ZC2HC1B: variants seen among roughly 807,000 people sequenced by gnomAD.
ZC2HC1B encodes zinc finger C2HC domain-containing protein 1B.
Under a neutral mutation model 31.0 loss-of-function variants are expected in ZC2HC1B, and 36 were observed. The observed-to-expected ratio is 1.16, with a 90% confidence interval of 0.89 to 1.54. The LOEUF is 1.54. Ranked by LOEUF, ZC2HC1B falls within the 40% of genes most tolerant of loss-of-function variation. ZC2HC1B has a pLI of 0.00. For missense variants in ZC2HC1B, 260 were observed against 268.6 expected, an observed-to-expected ratio of 0.97 and a Z score of 0.22; for synonymous variants, 73 against 88.0, an observed-to-expected ratio of 0.83 and a Z score of 0.95.
chr6:143,884,178 A>T lies in ZC2HC1B; in HGVS notation c.29-126A>T. On this transcript the variant is annotated intron_variant, in intron 1 of 7. Transcript: ENST00000237275. The surrounding 1 kb of genome is among the most constrained non-coding windows in gnomAD (Gnocchi z 5.1). ...ACACAGGGTCTTCCCAAAGGGAAGA[A>T]GCAGTTGGTGGGGAGGGAAAAGAGA... 1.3e-6 allele frequency: 1 copy of T among 769,298 alleles called. No homozygotes were observed. The highest frequency in any genetic ancestry group is 2.0e-6 in the Non-Finnish European group (1 of 501,902). 47.7% of individuals were successfully genotyped at this position (769,298 alleles called of 1,614,324 possible). A position where few individuals can be genotyped will look rare whatever the true frequency, so the allele number is the denominator to read the frequency against.
At chr6:143,876,925 C>G (rs1052121453) in intron 1 of ZC2HC1B, among the ~76,000 whole-genome samples, 1 of 150,354 alleles carries the variant, frequency 6.7e-6, no homozygotes, top group Non-Finnish European at 1.5e-5. Context: ...CTTTCCCAGC[C>G]CACTGACTCA....
At chr6:143,910,801 T>G (rs1298437474) in intron 6 of ZC2HC1B, among the ~76,000 whole-genome samples, 2 of 152,190 alleles carry the variant, frequency 1.3e-5, no homozygotes, top group Non-Finnish European at 2.9e-5. Flanking sequence ...TCTCCCAGGC[T>G]GGAGTGCAGT....
At chr6:143,894,094 T>A (rs1326340848) in intron 4 of ZC2HC1B, among the ~76,000 whole-genome samples, 1 of 152,254 alleles carries the variant, frequency 6.6e-6, no homozygotes, top group African/African-American at 2.4e-5. Flanking sequence ...AAGATTTACA[T>A]GATTGTTCAT....
At position 143,885,000 on chromosome 6, in the gene ZC2HC1B, T is replaced by C. The variant is rs1777514804; in HGVS notation, c.90+635T>C. Among the ~76,000 whole-genome samples the C allele has an allele frequency of 6.6e-6, 1 of 152,150 alleles. No homozygotes were observed. Among genetic ancestry groups the C allele is most frequent in the South Asian group, 2.1e-4 (1 of 4,828 alleles). ...TTTCAAAATTAGGGAATCAAATAGA[T>C]GGTATGCCCCAATATTATAAAGGGG... On this transcript the variant is annotated intron_variant, in intron 2 of 7. Coordinates refer to ENST00000237275, the MANE Select transcript of ZC2HC1B (RefSeq NM_001013623.3). This position sits in a 1 kb window ranked among gnomAD's most constrained non-coding sequence, Gnocchi z 5.1.
At chr6:143,926,791 C>G (rs1362463354) in intron 6 of ZC2HC1B, among the ~76,000 whole-genome samples, 3 of 127,262 alleles carry the variant, frequency 2.4e-5, no homozygotes, top group Non-Finnish European at 4.9e-5. Flanking sequence ...ACTGGATGTT[C>G]TGGTGTTAAG....
chr6:143,930,157 G>C (rs1417824893), intron 6 of ZC2HC1B, among the ~76,000 whole-genome samples: 3 of 151,186 alleles, frequency 2.0e-5, no homozygotes, highest in Non-Finnish European at 4.4e-5. Context: ...TGTTTCTTTT[G>C]TTTCTTGATG....
chr6:143,872,045 C>T lies in ZC2HC1B; in HGVS notation c.28+7478C>T, dbSNP rs371421822. ...CTCAGAGCCAGTGTCCAGTAGTTTC[C>T]GAAATGTCTGATCATTTCCTTTTTC... On this transcript the variant is annotated intron_variant, in intron 1 of 7. Transcript: ENST00000237275. The surrounding 1 kb of genome is among the most constrained non-coding windows in gnomAD (Gnocchi z 5.5). Among the ~76,000 whole-genome samples the T allele has an allele frequency of 1.1e-4, 16 of 152,252 alleles. No individual in the cohort carries two copies. The highest frequency in any genetic ancestry group is 2.4e-4 in the African/African-American group (10 of 41,536).
chr6:143,878,861 C>G lies in ZC2HC1B; in HGVS notation c.29-5443C>G, dbSNP rs558299568. Among the ~76,000 whole-genome samples the G allele has an allele frequency of 1.7e-3, 256 of 152,238 alleles. 1 individual carries two copies. Among genetic ancestry groups the G allele is most frequent in the African/African-American group, 6.0e-3 (250 of 41,540 alleles). ...AATTGACTGTATGTCTGTATCTATA[C>G]CTACCTATCTGTGTTTGCTGTATAC... On this transcript the variant is annotated intron_variant, in intron 1 of 7. Coordinates refer to ENST00000237275, the MANE Select transcript of ZC2HC1B (RefSeq NM_001013623.3).
chr6:143,870,937 G>T lies in ZC2HC1B; in HGVS notation c.28+6370G>T, dbSNP rs756248212. Among the ~76,000 whole-genome samples, 2 of 152,034 alleles carry T rather than the reference G, an allele frequency of 1.3e-5. No homozygotes were observed. Among genetic ancestry groups the T allele is most frequent in the African/African-American group, 2.4e-5 (1 of 41,382 alleles). ...CTGTTCTGGACCCCACTCAAAACTG[G>T]CAGCTTCAGGTCACTTGATAAATGG... On this transcript the variant is annotated intron_variant, in intron 1 of 7. Coordinates refer to ENST00000237275, the MANE Select transcript of ZC2HC1B (RefSeq NM_001013623.3). This position sits in a 1 kb window ranked among gnomAD's most constrained non-coding sequence, Gnocchi z 4.7.
At chr6:143,864,653 T>G (rs1046103195) in intron 1 of ZC2HC1B, 86 bp downstream of exon 1, 80 of 1,372,192 alleles carry the variant, frequency 5.8e-5, no homozygotes, top group Non-Finnish European at 8.0e-5. Context: ...TGGTAGGTAT[T>G]AGCTTGTTCT....
intron 6 of ZC2HC1B, among the ~76,000 whole-genome samples, chr6:143,912,389 T>C (rs978074676): frequency 4.6e-5 from 7 of 152,248 alleles, no homozygotes; most frequent in Admixed American, 2.6e-4. Context: ...TTCTTTCTCA[T>C]CTTAGTGGGC....
At position 143,886,162 on chromosome 6, in the gene ZC2HC1B, T is replaced by G. The variant is rs1051462877; in HGVS notation, c.210+11T>G. 6.6e-7 allele frequency: 1 copy of G among 1,522,698 alleles called. No homozygotes were observed. Among genetic ancestry groups the G allele is most frequent in the African/African-American group, 1.4e-5 (1 of 71,510 alleles). 94.3% of individuals were successfully genotyped at this position (1,522,698 alleles called of 1,614,324 possible). ...ACTCCACAATCCAAGGTACTCCTGATATCTTCTTTAGTGTTTGTTATTACA... is the reference window on the plus strand; with the variant it reads ...ACTCCACAATCCAAGGTACTCCTGAGATCTTCTTTAGTGTTTGTTATTACA... On this transcript the variant is annotated intron_variant, in intron 3 of 7. Coordinates refer to ENST00000237275, the MANE Select transcript of ZC2HC1B (RefSeq NM_001013623.3). The surrounding 1 kb of genome is among the most constrained non-coding windows in gnomAD (Gnocchi z 4.2).
At chr6:143,893,690 C>A (rs912654933) in intron 4 of ZC2HC1B, among the ~76,000 whole-genome samples, 1 of 151,868 alleles carries the variant, frequency 6.6e-6, no homozygotes, top group Non-Finnish European at 1.5e-5. Context: ...ATTTTCTTTT[C>A]TTTCTTTTCT....
chr6:143,900,871 C>G (rs572018359), intron 5 of ZC2HC1B, among the ~76,000 whole-genome samples: 1 of 152,274 alleles, frequency 6.6e-6, no homozygotes, highest in South Asian at 2.1e-4. Context: ...TGGAGTCTCA[C>G]TCTGTTGCCC....
chr6:143,882,233 C>T (rs1399152710), intron 1 of ZC2HC1B, among the ~76,000 whole-genome samples: 1 of 150,638 alleles, frequency 6.6e-6, no homozygotes, highest in Non-Finnish European at 1.5e-5. Context: ...GATTATCCTT[C>T]ACTAGTGTTT....
Position 143,934,865 on chromosome 6 carries a change from C to T in ZC2HC1B, c.599-2784C>T, listed in dbSNP as rs1778158322. ...ACTGAGCCTGCCTGTCCTTGGGACC[C>T]CAGGTAGCATACGTGGGCACTGGTG... On this transcript the variant is annotated intron_variant, in intron 6 of 7. Transcript: ENST00000237275. This position sits in a 1 kb window ranked among gnomAD's most constrained non-coding sequence, Gnocchi z 4.6. Among the ~76,000 whole-genome samples the T allele has an allele frequency of 6.6e-6, 1 of 152,072 alleles. No individual in the cohort carries two copies. Among genetic ancestry groups the T allele is most frequent in the Admixed American group, 6.5e-5 (1 of 15,268 alleles).
chr6:143,878,698 T>C (rs1021797862), intron 1 of ZC2HC1B, among the ~76,000 whole-genome samples: 2 of 152,072 alleles, frequency 1.3e-5, no homozygotes, highest in Non-Finnish European at 2.9e-5. Flanking sequence ...AGGTTTTGTA[T>C]TGATCCATTA....
chr6:143,926,173 G>A (rs974255508), intron 6 of ZC2HC1B, among the ~76,000 whole-genome samples: 2 of 151,418 alleles, frequency 1.3e-5, no homozygotes, highest in South Asian at 4.2e-4. Flanking sequence ...TTTGGATTTG[G>A]TCTGCTCTTG....
At chr6:143,897,809 C>G (rs1777684788) in intron 4 of ZC2HC1B, among the ~76,000 whole-genome samples, 1 of 152,160 alleles carries the variant, frequency 6.6e-6, no homozygotes, top group Non-Finnish European at 1.5e-5. Context: ...CATCCCATCT[C>G]CCTCTGTAAC....
Sources: gnomAD v4.1 joint callset for allele counts (sites outside exome capture counted in the v4.1 genomes callset) on GRCh38, gnomAD v4.1.1 for gene constraint, Gnocchi (gnomAD v3.1) non-coding constraint, MANE v1.5 for transcripts, NCBI Gene and HGNC (gene_info 2026-07-23, HGNC 2026-07-21) for gene names.